The following SLC13A1 variants were observed in gnomAD, a reference collection of about 807,000 sequenced individuals.
SLC13A1 encodes the protein Na(+)/sulfate cotransporter.
Under a neutral mutation model 70.0 loss-of-function variants are expected in SLC13A1, and 65 were observed. The ratio of observed to expected loss-of-function variants is 0.93; its 90% CI spans 0.76 to 1.14. SLC13A1 has a LOEUF of 1.14. Ranked by LOEUF, SLC13A1 falls within the 50% of genes most tolerant of loss-of-function variation. The probability of loss-of-function intolerance (pLI) is 0.00; values close to 1 mark genes in which losing one functional copy is unlikely to be tolerated. For synonymous variants in SLC13A1, 275 were observed against 250.5 expected (o/e 1.10, Z -0.92); for missense variants, 726 against 717.8 (o/e 1.01, Z -0.13).
chr7:123,168,314 T>C, intron 6 of SLC13A1, 60 bp downstream of exon 6: 4 of 1,137,232 alleles, frequency 3.5e-6, no homozygotes, highest in Non-Finnish European at 5.1e-6. Context: ...CATATGTATC[T>C]AACTACAGCT....
In SLC13A1 at chr7:123,142,638, C is replaced by CTTTTTTTTT. The variant is rs753775300; in HGVS notation, c.812+4512_812+4520dup. ...TGAGTCTTGCTTTCAGGGGCAAGAA[C>CTTTTTTTTT]TTTTTTTTTTTTTTTTTGATGGAGG... On this transcript the variant is annotated intron_variant, in intron 7 of 14. Coordinates refer to ENST00000194130, the MANE Select transcript of SLC13A1 (RefSeq NM_022444.4). Among the ~76,000 whole-genome samples the CTTTTTTTTT allele has an allele frequency of 3.0e-4, 36 of 118,778 alleles. 2 individuals carry two copies. Among genetic ancestry groups the CTTTTTTTTT allele is most frequent in the Middle Eastern group, 4.6e-3 (1 of 216 alleles). 77.9% of individuals were successfully genotyped at this position (118,778 alleles called of 152,430 possible).
chr7:123,153,408 G>A (rs1012714029), intron 6 of SLC13A1, among the ~76,000 whole-genome samples: 1 of 152,092 alleles, frequency 6.6e-6, no homozygotes, highest in African/African-American at 2.4e-5. Flanking sequence ...AGTTTTTGAA[G>A]TGGAATGGTG....
At chr7:123,178,235 G>A (rs1795520401) in intron 2 of SLC13A1, among the ~76,000 whole-genome samples, 1 of 151,914 alleles carries the variant, frequency 6.6e-6, no homozygotes, top group African/African-American at 2.4e-5. Context: ...ATACAGTAAT[G>A]GGCTCAGCAA....
chr7:123,171,685 G>T (rs374378675), intron 3 of SLC13A1, 83 bp downstream of exon 3: 4 of 1,349,052 alleles, frequency 3.0e-6, no homozygotes, highest in Non-Finnish European at 1.0e-6. Flanking sequence ...TTTCCTGGGC[G>T]TGAATTACTT....
chr7:123,138,486 T>C (rs1405447568), intron 7 of SLC13A1, among the ~76,000 whole-genome samples: 1 of 152,168 alleles, frequency 6.6e-6, no homozygotes, highest in Non-Finnish European at 1.5e-5. Flanking sequence ...TTTGAGGAAC[T>C]TCCAAACTGT....
chr7:123,138,470 T>G (rs1563325883), intron 7 of SLC13A1, among the ~76,000 whole-genome samples: 3 of 152,174 alleles, frequency 2.0e-5, no homozygotes, highest in African/African-American at 7.2e-5. Flanking sequence ...TAGCTTTATT[T>G]TAGTTTTTGA....
intron 6 of SLC13A1, among the ~76,000 whole-genome samples, chr7:123,166,741 A>ATGTAT (rs1440285018): frequency 1.3e-5 from 2 of 152,152 alleles, no homozygotes; most frequent in African/African-American, 4.8e-5. Context: ...TTATGGCTGC[A>ATGTAT]TAGTATTCCA....
intron 6 of SLC13A1, chr7:123,149,476 A>G (rs890541060): frequency 4.4e-6 from 2 of 456,354 alleles, no homozygotes; most frequent in East Asian, 6.9e-5. Flanking sequence ...CCTTCTTTCG[A>G]CTGTGATGGT....
chr7:123,126,898 G>A (rs1793581069), intron 10 of SLC13A1, among the ~76,000 whole-genome samples: 1 of 152,028 alleles, frequency 6.6e-6, no homozygotes, highest in South Asian at 2.1e-4. Context: ...GGTACAAACA[G>A]ATGGAATGAA....
chr7:123,114,946 A>G lies in SLC13A1; in HGVS notation c.*572T>C, dbSNP rs1484682120. 6.6e-6 allele frequency: 1 copy of G among 152,146 alleles called. No individual in the cohort carries two copies. Among genetic ancestry groups the G allele is most frequent in the Non-Finnish European group, 1.5e-5 (1 of 68,014 alleles). 9.4% of individuals were successfully genotyped at this position (152,146 alleles called of 1,614,324 possible). A position where few individuals can be genotyped will look rare whatever the true frequency, so the allele number is the denominator to read the frequency against. On this transcript the variant is annotated 3_prime_UTR_variant, in exon 15 of 15. Coordinates refer to ENST00000194130, the MANE Select transcript of SLC13A1 (RefSeq NM_022444.4). ...GCTTCAATCTCAATTTTCATATTAC[A>G]TGTATATATTAAGAATAATCCAATT...
chr7:123,145,102 C>T (rs1794304965), intron 7 of SLC13A1, among the ~76,000 whole-genome samples: 1 of 152,128 alleles, frequency 6.6e-6, no homozygotes, highest in Non-Finnish European at 1.5e-5. Flanking sequence ...AGATTTTTAA[C>T]AGCCATGGCA....
intron 1 of SLC13A1, chr7:123,186,573 AC>A: frequency 3.4e-6 from 1 of 295,884 alleles, no homozygotes; most frequent in Admixed American, 4.3e-5. Flanking sequence ...CAAATTGTTT[AC>A]CACCATTACA....
chr7:123,187,041 C>T (rs1309195624), intron 1 of SLC13A1, among the ~76,000 whole-genome samples: 4 of 151,660 alleles, frequency 2.6e-5, no homozygotes, highest in South Asian at 2.1e-4. Flanking sequence ...AATCTCTGTA[C>T]GTGTTACGAC....
rs1006329351 is a variant in SLC13A1, at chr7:123,119,194, A to G, written c.1399T>C (p.Ser467Pro). The G allele has an allele frequency of 1.2e-6, 2 of 1,611,974 alleles. No individual in the cohort carries two copies. Among genetic ancestry groups the G allele is most frequent in the African/African-American group, 2.7e-5 (2 of 74,846 alleles). Residue 467 changes from serine (S) to proline (P), a missense_variant, in exon 13 of 15, where the codon TCA becomes CCA. Ser to Pro is a moderately conservative substitution (Grantham distance 74, BLOSUM62 -1). Coordinates refer to ENST00000194130, the MANE Select transcript of SLC13A1 (RefSeq NM_022444.4). ...WIGNKLSPLG[S>P]LPAWLIILIS... ...AGAATTATTAGCCATGCTGGTAATG[A>G]ACCCAGAGGAGATAATTTATTTCCT...
chr7:123,199,819 C>A (rs1281693236), intron 1 of SLC13A1, 29 bp downstream of exon 1: 1 of 1,496,320 alleles, frequency 6.7e-7, no homozygotes, highest in Non-Finnish European at 9.3e-7. Context: ...GTCAGGAAAT[C>A]CACCAGTCTG....
intron 6 of SLC13A1, among the ~76,000 whole-genome samples, chr7:123,167,718 T>C (rs947067095): frequency 6.6e-6 from 1 of 152,138 alleles, no homozygotes; most frequent in African/African-American, 2.4e-5. Context: ...CTAGAATGGC[T>C]ACAACTCCTC....
chr7:123,149,862 A>G (rs1364143369), intron 6 of SLC13A1, among the ~76,000 whole-genome samples: 4 of 152,100 alleles, frequency 2.6e-5, no homozygotes, highest in African/African-American at 4.8e-5. Context: ...CTTTACTTCC[A>G]TCCTTATTCA....
Position 123,115,529 on chromosome 7 carries a change from T to C in SLC13A1, c.1777A>G (p.Thr593Ala), listed in dbSNP as rs1278123277. The C allele has an allele frequency of 2.5e-6, 4 of 1,612,244 alleles. 1 individual carries two copies. The South Asian group carries it at 4.4e-5, about 18-fold the overall frequency. ...AAATTTTGTGCTTATTATGGCATGGTCTCATTACTCATAGCAGGAGCCCAC... is the reference window on the plus strand; with the variant it reads ...AAATTTTGTGCTTATTATGGCATGGCCTCATTACTCATAGCAGGAGCCCAC... ...PSWAPAMSNE[T>A]MP The change falls in exon 15 of 15, where the codon ACC becomes GCC. Residue 593 changes from threonine (T) to alanine (A), a missense_variant. Coordinates refer to ENST00000194130, the MANE Select transcript of SLC13A1 (RefSeq NM_022444.4).
chr7:123,148,400 T>G (rs763338188), intron 6 of SLC13A1: 13 of 424,734 alleles, frequency 3.1e-5, no homozygotes, highest in South Asian at 2.1e-4. Flanking sequence ...ACCCCCATAG[T>G]TATACCTTGG....
Sources: allele counts gnomAD v4.1 joint callset (sites outside exome capture counted in the v4.1 genomes callset), GRCh38; gene constraint gnomAD v4.1.1; transcripts MANE v1.5; gene names NCBI Gene and HGNC (gene_info 2026-07-23, HGNC 2026-07-21).